Variants in ERBB4 observed in about 807,000 individuals in gnomAD.
ERBB4 encodes erb-b2 receptor tyrosine kinase 4, also known as receptor tyrosine-protein kinase erbB-4.
A neutral mutation model predicts 158.0 loss-of-function variants in ERBB4; 42 were observed. The observed-to-expected ratio is 0.27, with a 90% CI of 0.21 to 0.34. The LOEUF (loss-of-function observed/expected upper bound fraction) is 0.34, where lower values mean the gene tolerates loss of function less well. ERBB4 is among the 10% of genes least tolerant of loss of function. The pLI is 1.00. For missense variants in ERBB4, 1,333 were observed against 1,624.1 expected (o/e 0.82, Z 3.08); for synonymous variants, 583 against 558.7 (o/e 1.04, Z -0.61).
intron 1 of ERBB4, among the ~76,000 whole-genome samples, chr2:212,530,177 C>A (rs1692674794): frequency 6.6e-6 from 1 of 150,616 alleles, no homozygotes; most frequent in Non-Finnish European, 1.5e-5. Flanking sequence ...GAGGATCTTG[C>A]AATAACCCTG....
At chr2:211,838,768 C>G (rs544900618) in intron 3 of ERBB4, among the ~76,000 whole-genome samples, 1 of 152,074 alleles carries the variant, frequency 6.6e-6, no homozygotes, top group Admixed American at 6.6e-5. Context: ...AACACAATAA[C>G]GGGTCTGTGA....
rs551423861 is a variant in ERBB4, at chr2:211,773,656, TACAC to T, written c.556+14365_556+14368del. Among the ~76,000 whole-genome samples, 67 of 119,384 alleles carry T rather than the reference TACAC, an allele frequency of 5.6e-4. 1 individual carries two copies. In the East Asian group the frequency reaches 0.012, roughly 21 times the overall value. The allele number at this position is 119,384 out of a possible 152,430, so 78.3% of individuals were successfully genotyped here. A position where few individuals can be genotyped will look rare whatever the true frequency, so the allele number is the denominator to read the frequency against. ...TATATATATATATATATAATATATA[TACAC>T]ACACACACACTTCATATACATACTA... On this transcript the variant is annotated intron_variant, in intron 4 of 27. Transcript: ENST00000342788.
intron 1 of ERBB4, among the ~76,000 whole-genome samples, chr2:212,472,010 T>C (rs189855304): frequency 8.6e-5 from 13 of 151,998 alleles, no homozygotes; most frequent in Admixed American, 3.3e-4. Flanking sequence ...GTAATAAAAA[T>C]TAGGAAATCC....
intron 20 of ERBB4, among the ~76,000 whole-genome samples, chr2:211,455,315 A>G (rs960411077): frequency 1.3e-5 from 2 of 152,236 alleles, no homozygotes; most frequent in African/African-American, 4.8e-5. Context: ...TTATTTCTGT[A>G]GGGAGTTCAG....
At chr2:211,505,479 G>C (rs1178644141) in intron 20 of ERBB4, among the ~76,000 whole-genome samples, 1 of 145,850 alleles carries the variant, frequency 6.9e-6, no homozygotes, top group South Asian at 2.3e-4. Flanking sequence ...GAAAATGAAA[G>C]AATGATACTC....
In ERBB4 at chr2:212,160,497, T is replaced by C. The variant is rs76136941; in HGVS notation, c.83-35594A>G. 4.5e-3 allele frequency among the ~76,000 whole-genome samples: 692 copies of C among 152,142 alleles called. 4 individuals are homozygous for C. Among genetic ancestry groups the C allele is most frequent in the Non-Finnish European group, 7.8e-3 (533 of 67,942 alleles). On this transcript the variant is annotated intron_variant, in intron 1 of 27. Coordinates refer to ENST00000342788, the MANE Select transcript of ERBB4 (RefSeq NM_005235.3). ...TGTATCACACACACAAAAAGTCTTA[T>C]AAATGTATATCAGTGTGAATGAAAA...
chr2:212,323,292 T>C (rs974341736), intron 1 of ERBB4, among the ~76,000 whole-genome samples: 7 of 150,676 alleles, frequency 4.6e-5, no homozygotes, highest in Non-Finnish European at 8.9e-5. Flanking sequence ...TTAGCCATCA[T>C]CCTATCTAAG....
intron 1 of ERBB4, among the ~76,000 whole-genome samples, chr2:212,228,930 T>C (rs868048483): frequency 6.6e-6 from 1 of 152,204 alleles, no homozygotes; most frequent in Non-Finnish European, 1.5e-5. Flanking sequence ...ATGTGAAGTA[T>C]GCTGGCAAGT....
chr2:211,715,800 G>A (rs1328079346), intron 7 of ERBB4, among the ~76,000 whole-genome samples: 1 of 152,104 alleles, frequency 6.6e-6, no homozygotes, highest in African/African-American at 2.4e-5. Flanking sequence ...ACAGCCTACA[G>A]AACCATGAGC....
At chr2:211,836,054 A>G (rs962449864) in intron 3 of ERBB4, among the ~76,000 whole-genome samples, 2 of 152,130 alleles carry the variant, frequency 1.3e-5, no homozygotes, top group Admixed American at 1.3e-4. Context: ...AAATAAAAAT[A>G]AGCCAACAAA....
rs536909789 is a variant in ERBB4 at position 211,889,593 on chromosome 2, C to T, written c.421+57837G>A. Among the ~76,000 whole-genome samples, 351 of 150,870 alleles carry T rather than the reference C, an allele frequency of 2.3e-3. 3 individuals are homozygous for T. The highest frequency in any genetic ancestry group is 8.0e-3 in the African/African-American group (325 of 40,750). On this transcript the variant is annotated intron_variant, in intron 3 of 27. Transcript: ENST00000342788. ...CGAGCTGAGAGAAGAAGGCTTCAGA[C>T]GATCAAATTACTCCGAGCTACGGGA...
intron 12 of ERBB4, among the ~76,000 whole-genome samples, chr2:211,686,880 TTTC>T (rs1261015157): frequency 6.6e-6 from 1 of 152,172 alleles, no homozygotes; most frequent in Non-Finnish European, 1.5e-5. Context: ...GGGGGTATTC[TTTC>T]TTCATTTATG....
intron 1 of ERBB4, among the ~76,000 whole-genome samples, chr2:212,288,603 T>C (rs1348026205): frequency 6.6e-6 from 1 of 152,152 alleles, no homozygotes; most frequent in Non-Finnish European, 1.5e-5. Flanking sequence ...GCTAGCCGGC[T>C]TCTCGCTTTG....
At chr2:212,230,875 A>G (rs2083641809) in intron 1 of ERBB4, among the ~76,000 whole-genome samples, 2 of 152,336 alleles carry the variant, frequency 1.3e-5, no homozygotes. Flanking sequence ...TCATAGGGAA[A>G]TGATGTACTT....
At chr2:211,676,131 T>C (rs775204098) in intron 13 of ERBB4, among the ~76,000 whole-genome samples, 12 of 152,140 alleles carry the variant, frequency 7.9e-5, no homozygotes, top group Non-Finnish European at 1.8e-4. Flanking sequence ...AAACTGGTTC[T>C]TCCTCAAAGG....
chr2:212,191,966 G>A (rs2082259712), intron 1 of ERBB4, among the ~76,000 whole-genome samples: 2 of 101,662 alleles, frequency 2.0e-5, no homozygotes, highest in Admixed American at 1.2e-4. Flanking sequence ...TGTTATATAT[G>A]TTATATGTTA....
intron 1 of ERBB4, among the ~76,000 whole-genome samples, chr2:212,176,594 G>T (rs943103719): frequency 1.3e-5 from 2 of 151,944 alleles, no homozygotes; most frequent in African/African-American, 4.8e-5. Context: ...AGCCTGAGCA[G>T]ATTAAGAAGC....
At chr2:212,435,676 A>C (rs562671286) in intron 1 of ERBB4, among the ~76,000 whole-genome samples, 1 of 152,058 alleles carries the variant, frequency 6.6e-6, no homozygotes, top group Admixed American at 6.6e-5. Context: ...CCCAGGTTCT[A>C]GATGAAGTCT....
At chr2:211,773,711 G>T (rs1389057031) in intron 4 of ERBB4, among the ~76,000 whole-genome samples, 2 of 129,194 alleles carry the variant, frequency 1.5e-5, no homozygotes, top group Non-Finnish European at 3.3e-5. Flanking sequence ...TTATAGTGAA[G>T]AATATATATA....
Sources: allele counts gnomAD v4.1 joint callset (sites outside exome capture counted in the v4.1 genomes callset), GRCh38; gene constraint gnomAD v4.1.1; transcripts MANE v1.5; gene names NCBI Gene and HGNC (gene_info 2026-07-23, HGNC 2026-07-21).